The following RPTOR variants were observed in gnomAD, a reference collection of about 807,000 sequenced individuals.
RPTOR encodes regulatory associated protein of MTOR complex 1.
RPTOR carries 21 observed loss-of-function variants against 169.9 expected under a neutral mutation model. The observed-to-expected ratio is 0.12, with a 90% CI of 0.09 to 0.18. The LOEUF is 0.18. Ranked by LOEUF, RPTOR falls within the 10% of genes least tolerant of loss-of-function variation. The pLI, the probability that RPTOR is intolerant of heterozygous loss-of-function variation, is 1.00. For synonymous variants in RPTOR, 732 were observed against 753.2 expected (o/e 0.97, Z 0.46); for missense variants, 1,133 against 1,855.9 (o/e 0.61, Z 7.16).
intron 3 of RPTOR, among the ~76,000 whole-genome samples, chr17:80,654,439 A>G (rs1242421756): frequency 6.6e-6 from 1 of 152,226 alleles, no homozygotes; most frequent in Admixed American, 6.5e-5. Flanking sequence ...GAGGCCGATC[A>G]GCTCCGCTTA....
rs140367792 is a variant in RPTOR, at chr17:80,721,864, G to GTA, written c.508-8682_508-8681dup. Among the ~76,000 whole-genome samples the GTA allele has an allele frequency of 0.2, 29,469 of 149,508 alleles. 3,375 individuals carry two copies. The highest frequency in any genetic ancestry group is 0.32 in the East Asian group (1,628 of 5,140). On this transcript the variant is annotated intron_variant, in intron 4 of 33. Coordinates refer to ENST00000306801, the MANE Select transcript of RPTOR (RefSeq NM_020761.3). The surrounding 1 kb of genome is among the most constrained non-coding windows in gnomAD (Gnocchi z 4.7). The stretch of plus-strand genomic sequence containing the variant: ...CAAGTCTTCATTATTATCCAATTTG[G>GTA]TATATATATATATATTTCAGGTTTT...
At chr17:80,882,881 G>C (rs2068201426) in intron 14 of RPTOR, among the ~76,000 whole-genome samples, 1 of 152,240 alleles carries the variant, frequency 6.6e-6, no homozygotes, top group African/African-American at 2.4e-5. Flanking sequence ...CGCGCGACGT[G>C]TGTGTAAAAA....
rs79202676 is a variant in RPTOR, at chr17:80,678,829, G to A, written c.349-29012G>A. Among the ~76,000 whole-genome samples the A allele has an allele frequency of 3.8e-3, 582 of 152,318 alleles. 3 individuals are homozygous for A. The highest frequency in any genetic ancestry group is 0.014 in the African/African-American group (564 of 41,564). On this transcript the variant is annotated intron_variant, in intron 3 of 33. Transcript: ENST00000306801. ...CCGGTTCAGTGACTCCTCAGTGTGC[G>A]TGGATTGGGGCCCTCCAGAGATGCT...
In RPTOR at chr17:80,656,712, C is replaced by T. The variant is rs183376843; in HGVS notation, c.348+12902C>T. ...CATTTGTCTGTAGGTTCTTTCACTT[C>T]TGTCCATCTCATTTGTTTCTGTGCC... On this transcript the variant is annotated intron_variant, in intron 3 of 33. Transcript: ENST00000306801. 2.1e-4 allele frequency among the ~76,000 whole-genome samples: 32 copies of T among 152,342 alleles called. 1 individual carries two copies. The highest frequency in any genetic ancestry group is 3.4e-3 in the Middle Eastern group (1 of 294).
chr17:80,937,339 C>G (rs1489830232), intron 24 of RPTOR, among the ~76,000 whole-genome samples: 1 of 152,190 alleles, frequency 6.6e-6, no homozygotes, highest in Non-Finnish European at 1.5e-5. Flanking sequence ...AGATAAGACT[C>G]AGCTCTAAGG....
chr17:80,894,818 C>T (rs2068377918), intron 20 of RPTOR, among the ~76,000 whole-genome samples: 1 of 152,100 alleles, frequency 6.6e-6, no homozygotes, highest in Admixed American at 6.5e-5. Context: ...GAGGTCGAGC[C>T]CCAGACCCTA....
chr17:80,904,685 C>A (rs982521274), intron 20 of RPTOR, among the ~76,000 whole-genome samples: 1 of 152,134 alleles, frequency 6.6e-6, no homozygotes, highest in African/African-American at 2.4e-5. Flanking sequence ...CCCAGGCAGC[C>A]CCACCTCCTT....
intron 1 of RPTOR, among the ~76,000 whole-genome samples, chr17:80,578,496 G>C (rs1393401422): frequency 6.6e-6 from 1 of 152,190 alleles, no homozygotes; most frequent in African/African-American, 2.4e-5. Flanking sequence ...TGTTGCTTCT[G>C]ATTTATGTGT....
At chr17:80,720,723 C>T (rs1430327992) in intron 4 of RPTOR, among the ~76,000 whole-genome samples, 1 of 152,208 alleles carries the variant, frequency 6.6e-6, no homozygotes, top group Non-Finnish European at 1.5e-5. Flanking sequence ...CTTGAGTGCG[C>T]CCAGCATCAC....
At chr17:80,827,189 C>T (rs1176191256) in intron 9 of RPTOR, among the ~76,000 whole-genome samples, 4 of 152,212 alleles carry the variant, frequency 2.6e-5, no homozygotes, top group South Asian at 2.1e-4. Context: ...CTGGTGGACG[C>T]GTCTCCCTCT....
rs112189624 is a variant in RPTOR at position 80,880,370 on chromosome 17, C to G, written c.1510-45C>G. ...CACCATGAGAAGCTTGTGGCATCTG[C>G]GGGACACTGCACTCACTGCCTCTCC... On this transcript the variant is annotated intron_variant, in intron 13 of 33. Coordinates refer to ENST00000306801, the MANE Select transcript of RPTOR (RefSeq NM_020761.3). The G allele has an allele frequency of 3.3e-6, 5 of 1,533,670 alleles. No individual in the cohort carries two copies. In the South Asian group the frequency reaches 5.6e-5, roughly 17 times the overall value.
intron 2 of RPTOR, among the ~76,000 whole-genome samples, chr17:80,639,826 G>A (rs996605498): frequency 6.6e-6 from 1 of 152,184 alleles, no homozygotes; most frequent in Admixed American, 6.5e-5. Flanking sequence ...AGGTGAAATG[G>A]ATAGGATGGG....
intron 6 of RPTOR, among the ~76,000 whole-genome samples, chr17:80,758,684 C>T (rs1180553334): frequency 2.6e-5 from 4 of 152,160 alleles, no homozygotes; most frequent in East Asian, 3.9e-4. Flanking sequence ...CCCATGTTCC[C>T]GTCCCCGCTC....
At chr17:80,548,185 G>T (rs1209584715) in intron 1 of RPTOR, among the ~76,000 whole-genome samples, 2 of 148,478 alleles carry the variant, frequency 1.3e-5, no homozygotes, top group Admixed American at 1.4e-4. Flanking sequence ...CTGGGCCTGA[G>T]TGATCCTCTC....
intron 1 of RPTOR, among the ~76,000 whole-genome samples, chr17:80,574,150 T>C (rs1015775613): frequency 6.7e-6 from 1 of 148,304 alleles, no homozygotes; most frequent in African/African-American, 2.6e-5. Context: ...GTTTTTTTTT[T>C]CTTTTTTCTT....
chr17:80,953,619 C>G (rs2069211038), intron 28 of RPTOR, among the ~76,000 whole-genome samples: 1 of 152,250 alleles, frequency 6.6e-6, no homozygotes, highest in Non-Finnish European at 1.5e-5. Flanking sequence ...CACCAGGAAC[C>G]CTGGGCGGTG....
intron 1 of RPTOR, among the ~76,000 whole-genome samples, chr17:80,567,169 T>C (rs9747033): frequency 0.97 from 146,874 of 152,018 alleles, 70,970 homozygotes; most frequent in East Asian, 1. Flanking sequence ...CAGGGTTTCA[T>C]CACGTTGGCC....
intron 1 of RPTOR, among the ~76,000 whole-genome samples, chr17:80,581,508 ATGCCTGCTATTCTCTGCAGTGGATAC>A (rs2065013306): frequency 7.0e-6 from 1 of 142,720 alleles, no homozygotes; most frequent in Non-Finnish European, 1.5e-5. Context: ...AGGCCAGTGC[ATGCCTGCTATTCTCTGCAGTGGATAC>A]CGCACATCGG....
chr17:80,785,684 C>T (rs772140114), intron 6 of RPTOR, among the ~76,000 whole-genome samples: 14 of 150,604 alleles, frequency 9.3e-5, no homozygotes, highest in Non-Finnish European at 1.6e-4. Context: ...TGCTTTCCCC[C>T]GGCCCCTTGA....
Sources: allele counts gnomAD v4.1 joint callset (sites outside exome capture counted in the v4.1 genomes callset), GRCh38; gene constraint gnomAD v4.1.1; non-coding constraint Gnocchi (gnomAD v3.1); transcripts MANE v1.5; gene names NCBI Gene and HGNC (gene_info 2026-07-23, HGNC 2026-07-21).